Variants in CTDP1 observed in about 807,000 individuals in gnomAD.
CTDP1 encodes CTD phosphatase 1.
CTDP1 carries 47 observed loss-of-function variants against 91.8 expected under a neutral mutation model. The observed-to-expected ratio is 0.51, with a 90% CI of 0.41 to 0.65. The LOEUF (loss-of-function observed/expected upper bound fraction) is 0.65. Ranked by LOEUF, CTDP1 falls within the 30% of genes least tolerant of loss-of-function variation. CTDP1 has a pLI of 0.00. For missense variants in CTDP1, 1,272 were observed against 1,373.7 expected (o/e 0.93, Z 1.17); for synonymous variants, 656 against 598.5 (o/e 1.10, Z -1.40).
At chr18:79,703,407 G>A (rs1246710718) in intron 4 of CTDP1, among the ~76,000 whole-genome samples, 1 of 152,192 alleles carries the variant, frequency 6.6e-6, no homozygotes, top group Non-Finnish European at 1.5e-5. Flanking sequence ...AGCTTCCTAA[G>A]GAAAGCAGAC....
chr18:79,708,254 A>C (rs1307981582), intron 5 of CTDP1, among the ~76,000 whole-genome samples: 1 of 152,200 alleles, frequency 6.6e-6, no homozygotes. Context: ...AGGGTAACTG[A>C]GGTGGTGCAC....
intron 6 of CTDP1, among the ~76,000 whole-genome samples, chr18:79,712,614 C>T (rs1325276266): frequency 6.6e-6 from 1 of 152,192 alleles, no homozygotes; most frequent in Non-Finnish European, 1.5e-5. Flanking sequence ...CAAATTCTGG[C>T]CTTTAGGCTA....
chr18:79,732,700 A>C (rs1439462063), intron 11 of CTDP1, among the ~76,000 whole-genome samples: 1 of 151,344 alleles, frequency 6.6e-6, no homozygotes, highest in Non-Finnish European at 1.5e-5. Flanking sequence ...GAGACTTGAG[A>C]ACTCGCTGAC....
chr18:79,705,357 C>T (rs980337276), intron 5 of CTDP1, among the ~76,000 whole-genome samples: 27 of 152,184 alleles, frequency 1.8e-4, no homozygotes, highest in African/African-American at 6.3e-4. Context: ...TGGGTGATAG[C>T]GTGAATGCCA....
Position 79,744,490 on chromosome 18 carries a change from G to A in CTDP1, c.2747+7969G>A, listed in dbSNP as rs146221084. On this transcript the variant is annotated intron_variant, in intron 12 of 12. Coordinates refer to ENST00000613122, the MANE Select transcript of CTDP1 (RefSeq NM_004715.5). ...CAGAGTGGCGGTGTGAACGTGAGGG[G>A]ATTCAGAGCTTTAACTATGAGTGGA... Among the ~76,000 whole-genome samples, 303 of 152,354 alleles carry A rather than the reference G, an allele frequency of 2.0e-3. 1 individual carries two copies. The highest frequency in any genetic ancestry group is 3.7e-3 in the Non-Finnish European group (255 of 68,032).
At chr18:79,734,557 C>T (rs759728123) in intron 11 of CTDP1, among the ~76,000 whole-genome samples, 24 of 151,182 alleles carry the variant, frequency 1.6e-4, no homozygotes, top group East Asian at 7.7e-4. Flanking sequence ...TTGGCACGGA[C>T]GTCTGAGGCC....
chr18:79,702,204 T>TC (rs1288886205), intron 4 of CTDP1, among the ~76,000 whole-genome samples: 1 of 152,176 alleles, frequency 6.6e-6, no homozygotes, highest in Non-Finnish European at 1.5e-5. Context: ...TTCATTGTCA[T>TC]CTTATTTCAA....
intron 9 of CTDP1, 26 bp from the exon 10 acceptor site, chr18:79,717,784 T>C (rs762052568): frequency 6.2e-7 from 1 of 1,613,766 alleles, no homozygotes; most frequent in Non-Finnish European, 8.5e-7. Context: ...GCCCCGCTCA[T>C]GGCCCTCGTT....
intron 12 of CTDP1, among the ~76,000 whole-genome samples, chr18:79,749,354 C>G (rs2086946736): frequency 6.6e-6 from 1 of 152,040 alleles, no homozygotes; most frequent in Non-Finnish European, 1.5e-5. Flanking sequence ...CTCAGTGCCC[C>G]TGATACGTCC....
intron 10 of CTDP1, 32 bp downstream of exon 10, chr18:79,718,048 AAT>A: frequency 6.2e-7 from 1 of 1,609,590 alleles, no homozygotes; most frequent in Non-Finnish European, 8.5e-7. Flanking sequence ...GTCCCCAGCT[AAT>A]GAGGGCTCTT....
rs200499662 is a variant in CTDP1, at chr18:79,714,550, G to C, written c.1090G>C (p.Gly364Arg). 19 of 1,613,166 alleles carry C rather than the reference G, an allele frequency of 1.2e-5. No homozygotes were observed. Among genetic ancestry groups the C allele is most frequent in the Middle Eastern group, 1.6e-4 (1 of 6,062 alleles). Residue 364 changes from glycine (G) to arginine (R), a missense_variant, in exon 8 of 13, where the codon GGG (glycine) becomes CGG (arginine). Coordinates refer to ENST00000613122, the MANE Select transcript of CTDP1 (RefSeq NM_004715.5). ...ATCTCCGCCCGTGAGAGACCCTGAG[G>C]GGGTAACGCAGGCCCCTGGAGTGGA... ...EPSPPVRDPE[G>R]VTQAPGVEPS...
intron 12 of CTDP1, among the ~76,000 whole-genome samples, chr18:79,749,066 C>A (rs1369474883): frequency 6.6e-6 from 1 of 152,220 alleles, no homozygotes; most frequent in Non-Finnish European, 1.5e-5. Flanking sequence ...CAACAGCACT[C>A]TGGGTGTTTT....
At chr18:79,736,056 A>G in intron 11 of CTDP1, 1 of 449,478 alleles carries the variant, frequency 2.2e-6, no homozygotes, top group East Asian at 3.9e-5. Context: ...ATTCACCATA[A>G]AATCCAACAG....
upstream of CTDP1, chr18:79,678,048 T>G (rs1458907435): frequency 6.6e-6 from 1 of 152,222 alleles, no homozygotes; most frequent in African/African-American, 2.4e-5. Flanking sequence ...GCAGCAGAGA[T>G]AGTCAAAAAC....
intron 12 of CTDP1, among the ~76,000 whole-genome samples, chr18:79,750,580 G>C (rs2086976171): frequency 6.7e-6 from 1 of 149,850 alleles, no homozygotes; most frequent in Non-Finnish European, 1.5e-5. Flanking sequence ...TGCAACTTCC[G>C]CCTCCCGGGT....
intron 12 of CTDP1, among the ~76,000 whole-genome samples, chr18:79,743,520 C>T (rs1200082332): frequency 4.3e-5 from 4 of 93,756 alleles, no homozygotes; most frequent in Non-Finnish European, 6.6e-5. Flanking sequence ...AGTGAGACTC[C>T]GTCTCCAAAA....
intron 4 of CTDP1, among the ~76,000 whole-genome samples, chr18:79,700,549 A>C (rs2085836690): frequency 6.6e-6 from 1 of 152,224 alleles, no homozygotes; most frequent in African/African-American, 2.4e-5. Flanking sequence ...GGGGTGAGGA[A>C]GCTGCAGAAG....
chr18:79,728,789 G>T (rs1199662633), intron 10 of CTDP1, 118 bp from the exon 11 acceptor site: 3 of 894,864 alleles, frequency 3.4e-6, no homozygotes, highest in African/African-American at 3.4e-5. Flanking sequence ...TTTCATACGT[G>T]TTCCCTGTTG....
chr18:79,727,604 A>T (rs561720311), intron 10 of CTDP1, among the ~76,000 whole-genome samples: 2 of 152,354 alleles, frequency 1.3e-5, no homozygotes, highest in Non-Finnish European at 2.9e-5. Flanking sequence ...AGCGCAGATC[A>T]GCACTTTCAG....
Sources: gnomAD v4.1 joint callset for allele counts (sites outside exome capture counted in the v4.1 genomes callset) on GRCh38, gnomAD v4.1.1 for gene constraint, MANE v1.5 for transcripts, NCBI Gene and HGNC (gene_info 2026-07-23, HGNC 2026-07-21) for gene names.